The following CDK18 variants were observed in gnomAD, a reference collection of about 807,000 sequenced individuals.
The protein encoded by CDK18 is cyclin dependent kinase 18, also known as cyclin-dependent kinase 18.
CDK18 carries 52 observed loss-of-function variants against 62.0 expected under a neutral mutation model. The observed-to-expected ratio is 0.84, with a 90% CI of 0.67 to 1.06. The LOEUF is 1.06. CDK18 is among the 50% of genes least tolerant of loss of function. CDK18 has a pLI of 0.00. For missense variants in CDK18, 604 were observed against 619.9 expected, an observed-to-expected ratio of 0.97 and a Z score of 0.27; for synonymous variants, 237 against 247.0, an observed-to-expected ratio of 0.96 and a Z score of 0.38.
Position 205,516,316 on chromosome 1 carries a change from GACCGAGGCAGGGGCAGGGACTGGGAGATA to G in CDK18, c.-21-6830_-21-6802del, listed in dbSNP as rs1667814507. ...CACCCAAGGGCCAAAGTGGCTGAGT[GACCGAGGCAGGGGCAGGGACTGGGAGATA>G]GGGTGTCATAGGGATCCTGGCTGGT... On this transcript the variant is annotated intron_variant, in intron 1 of 15. Coordinates refer to ENST00000429964, the MANE Select transcript of CDK18 (RefSeq NM_212502.3). The surrounding 1 kb of genome is among the most constrained non-coding windows in gnomAD (Gnocchi z 4.8). 6.6e-6 allele frequency among the ~76,000 whole-genome samples: 1 copy of G among 152,072 alleles called. No homozygotes were observed. The highest frequency in any genetic ancestry group is 2.1e-4 in the South Asian group (1 of 4,798).
Position 205,523,305 on chromosome 1 carries a change from G to T in CDK18, c.130+8G>T. ...ACAACCGGCGGAATGAGAGTGAGGG[G>T]TCTGGGCCCACCCAGCACCTCTCCC... On this transcript the variant is annotated splice_region_variant and intron_variant, in intron 2 of 15. Transcript: ENST00000429964. 2 of 1,613,978 alleles carry T rather than the reference G, an allele frequency of 1.2e-6. No individual in the cohort carries two copies. The highest frequency in any genetic ancestry group is 1.1e-5 in the South Asian group (1 of 91,076).
At position 205,527,832 on chromosome 1, in the gene CDK18, T is replaced by A; in HGVS notation, c.768T>A (p.Cys256Ter). 1 of 1,613,998 alleles carries A rather than the reference T, an allele frequency of 6.2e-7. No homozygotes were observed. The highest frequency in any genetic ancestry group is 8.5e-7 in the Non-Finnish European group (1 of 1,179,938). ...AGCTGCTCCGGGGCCTCGCCTACTG[T>A]CACCACCGCAAGATCCTGCACCGGG... ...MFQLLRGLAY[C>*]HHRKILHRDL... Residue 256 changes from cysteine (C) to a stop codon, truncating the protein, a stop_gained, in exon 9 of 16, where the codon TGT becomes TGA. Coordinates refer to ENST00000429964, the MANE Select transcript of CDK18 (RefSeq NM_212502.3). LOFTEE classifies it high-confidence loss of function. This position sits in a 1 kb window ranked among gnomAD's most constrained non-coding sequence, Gnocchi z 4.1.
Position 205,528,982 on chromosome 1 carries a change from C to CG in CDK18, c.975-17_975-16insG. The CG allele has an allele frequency of 6.5e-7, 1 of 1,545,454 alleles. No homozygotes were observed. Among genetic ancestry groups the CG allele is most frequent in the Non-Finnish European group, 8.8e-7 (1 of 1,138,894 alleles). ...CCGCCCCTGCCTGATGCCGACCCTA[C>CG]CCCTTGCTCCTCGCAGGGGCGTGGG... is the stretch of plus-strand genomic sequence containing the variant. On this transcript the variant is annotated splice_polypyrimidine_tract_variant and intron_variant, in intron 10 of 15. Transcript: ENST00000429964. The surrounding 1 kb of genome is among the most constrained non-coding windows in gnomAD (Gnocchi z 4.2).
Position 205,528,029 on chromosome 1 carries a change from G to A in CDK18, c.854-19G>A. ...CACAGCACCTGTGGACAGAGGTCCA[G>A]TGACATGTCTGCCCCCAGGACTGGC... On this transcript the variant is annotated intron_variant, in intron 9 of 15. Coordinates refer to ENST00000429964, the MANE Select transcript of CDK18 (RefSeq NM_212502.3). The surrounding 1 kb of genome is among the most constrained non-coding windows in gnomAD (Gnocchi z 4.2). 6.2e-7 allele frequency: 1 copy of A among 1,614,134 alleles called. No individual in the cohort carries two copies. The highest frequency in any genetic ancestry group is 8.5e-7 in the Non-Finnish European group (1 of 1,179,970).
intron 1 of CDK18, among the ~76,000 whole-genome samples, chr1:205,505,218 G>A: frequency 6.7e-6 from 1 of 150,290 alleles, no homozygotes; most frequent in South Asian, 2.2e-4. Context: ...ATTCTGGGAA[G>A]GGCAAGGGTC....
At chr1:205,518,482 A>G (rs1667940408) in intron 1 of CDK18, among the ~76,000 whole-genome samples, 1 of 152,198 alleles carries the variant, frequency 6.6e-6, no homozygotes, top group African/African-American at 2.4e-5. Context: ...TTTGTTTGGC[A>G]CGCAGTTCAG....
At position 205,516,899 on chromosome 1, in the gene CDK18, G is replaced by A. The variant is rs79074239; in HGVS notation, c.-21-6248G>A. ...AGAGAAGACTCCAGTCCTGGCCCCAGGAGCTTGAGAAGTGAAGCTGACTTT... is the reference window on the plus strand; with the variant it reads ...AGAGAAGACTCCAGTCCTGGCCCCAAGAGCTTGAGAAGTGAAGCTGACTTT... On this transcript the variant is annotated intron_variant, in intron 1 of 15. Coordinates refer to ENST00000429964, the MANE Select transcript of CDK18 (RefSeq NM_212502.3). The surrounding 1 kb of genome is among the most constrained non-coding windows in gnomAD (Gnocchi z 4.8). The A allele has an allele frequency of 0.06, 9,077 of 152,234 alleles. 615 individuals carry two copies. Among genetic ancestry groups the A allele is most frequent in the African/African-American group, 0.17 (6,878 of 41,496 alleles). The allele number at this position is 152,234 out of a possible 1,614,324, so 9.4% of individuals were successfully genotyped here.
intron 1 of CDK18, among the ~76,000 whole-genome samples, chr1:205,512,773 C>T (rs530679084): frequency 2.6e-5 from 4 of 152,268 alleles, no homozygotes; most frequent in East Asian, 3.9e-4. Flanking sequence ...GGGCACTGGG[C>T]GGCGTGGGCC....
chr1:205,514,226 G>A lies in CDK18; in HGVS notation c.-21-8921G>A, dbSNP rs117208995. Among the ~76,000 whole-genome samples the A allele has an allele frequency of 2.5e-3, 377 of 152,330 alleles. 15 individuals carry two copies. The East Asian group carries it at 0.062, about 25-fold the overall frequency. The stretch of plus-strand genomic sequence containing the variant: ...CCATCACCTGGCTGGGGACAGTGGA[G>A]TTTCGGGCTAGAGGAGATGCAGAGG... On this transcript the variant is annotated intron_variant, in intron 1 of 15. Coordinates refer to ENST00000429964, the MANE Select transcript of CDK18 (RefSeq NM_212502.3).
intron 1 of CDK18, among the ~76,000 whole-genome samples, chr1:205,521,802 A>G (rs1300736745): frequency 2.0e-5 from 3 of 152,256 alleles, no homozygotes; most frequent in African/African-American, 7.2e-5. Context: ...TTACTGACCC[A>G]TAATCCCTTA....
intron 8 of CDK18, 60 bp downstream of exon 8, chr1:205,526,897 T>C (rs1205570130): frequency 1.1e-5 from 15 of 1,387,924 alleles, no homozygotes; most frequent in Non-Finnish European, 1.4e-5. Context: ...AAGCCCAGTG[T>C]GGGGACCCAC....
intron 1 of CDK18, among the ~76,000 whole-genome samples, chr1:205,520,697 C>T (rs1668075380): frequency 2.9e-5 from 1 of 34,602 alleles, no homozygotes; most frequent in African/African-American, 9.7e-5. Context: ...ACGACTCTAT[C>T]TCAAAAAAAA....
intron 13 of CDK18, chr1:205,529,999 A>G (rs1204226160): frequency 7.1e-7 from 1 of 1,399,810 alleles, no homozygotes; most frequent in African/African-American, 1.4e-5. Context: ...TTGCATCTGT[A>G]TTTCTATCCC....
chr1:205,518,617 C>A (rs1358811572), intron 1 of CDK18, among the ~76,000 whole-genome samples: 1 of 152,182 alleles, frequency 6.6e-6, no homozygotes. Context: ...GAAATTGCTG[C>A]GTGATTCTGG....
chr1:205,525,894 T>C (rs546680044), intron 5 of CDK18, among the ~76,000 whole-genome samples, 171 bp from the exon 6 acceptor site: 1 of 152,142 alleles, frequency 6.6e-6, no homozygotes, highest in African/African-American at 2.4e-5. Flanking sequence ...GGGGAGTCAT[T>C]AGGGATGCTT....
Position 205,517,926 on chromosome 1 carries a change from C to T in CDK18, c.-21-5221C>T, listed in dbSNP as rs569758804. Among the ~76,000 whole-genome samples, 6 of 152,280 alleles carry T rather than the reference C, an allele frequency of 3.9e-5. No homozygotes were observed. The highest frequency in any genetic ancestry group is 1.9e-4 in the East Asian group (1 of 5,180). On this transcript the variant is annotated intron_variant, in intron 1 of 15. Coordinates refer to ENST00000429964, the MANE Select transcript of CDK18 (RefSeq NM_212502.3). This position sits in a 1 kb window ranked among gnomAD's most constrained non-coding sequence, Gnocchi z 4.1. ...ATCCGTTCAAACCCTCCTTACCCCT[C>T]GAGGCCCAACACAGCTGCTCCGCAC...
chr1:205,521,509 C>G (rs150915124), intron 1 of CDK18, among the ~76,000 whole-genome samples: 2 of 152,234 alleles, frequency 1.3e-5, no homozygotes, highest in East Asian at 3.8e-4. Flanking sequence ...CCACCATGCC[C>G]GGCCAGTTCA....
Position 205,523,631 on chromosome 1 carries a change from G to A in CDK18, c.273+6G>A, listed in dbSNP as rs921116057. On this transcript the variant is annotated splice_donor_region_variant and intron_variant, in intron 3 of 15. Transcript: ENST00000429964. Reference sequence around the variant, plus strand: ...AGCGCCGCTTCTCCATGGAGGTAAGGGCCTCTGGAGCTCTGCCCCGGCAGG... The same window carrying A: ...AGCGCCGCTTCTCCATGGAGGTAAGAGCCTCTGGAGCTCTGCCCCGGCAGG... 1.4e-5 allele frequency: 22 copies of A among 1,562,792 alleles called. No homozygotes were observed. In the Admixed American group the frequency reaches 2.5e-4, roughly 18 times the overall value.
chr1:205,506,298 G>A (rs61822293), intron 1 of CDK18, among the ~76,000 whole-genome samples: 3,231 of 152,268 alleles, frequency 0.021, 59 homozygotes, highest in Non-Finnish European at 0.034. Context: ...GCCACCTCTT[G>A]TGCAGCTGAG....
Sources: gnomAD v4.1 joint callset for allele counts (sites outside exome capture counted in the v4.1 genomes callset) on GRCh38, gnomAD v4.1.1 for gene constraint, Gnocchi (gnomAD v3.1) non-coding constraint, MANE v1.5 for transcripts, NCBI Gene and HGNC (gene_info 2026-07-23, HGNC 2026-07-21) for gene names.